The following PRKN variants were observed in gnomAD, a reference collection of about 807,000 sequenced individuals.
PRKN encodes parkin RBR E3 ubiquitin protein ligase, also known as E3 ubiquitin-protein ligase parkin.
A neutral mutation model predicts 59.5 loss-of-function variants in PRKN; 56 were observed. That is an observed-to-expected ratio of 0.94 (90% CI 0.76 to 1.18). The LOEUF is 1.18. Ranked by LOEUF, PRKN falls within the 50% of genes most tolerant of loss-of-function variation. The pLI is 0.00. For synonymous variants in PRKN, 250 were observed against 222.1 expected (o/e 1.13, Z -1.12); for missense variants, 657 against 596.4 (o/e 1.10, Z -1.06).
chr6:161,350,617 T>C (rs1372939320), intron 11 of PRKN, among the ~76,000 whole-genome samples: 1 of 84,436 alleles, frequency 1.2e-5, no homozygotes, highest in African/African-American at 6.8e-5. Context: ...ATTTAAAATA[T>C]ATATATTTTT....
At chr6:162,657,951 G>T (rs1778712456) in intron 1 of PRKN, among the ~76,000 whole-genome samples, 1 of 152,104 alleles carries the variant, frequency 6.6e-6, no homozygotes, top group Non-Finnish European at 1.5e-5. Flanking sequence ...AGATGACATA[G>T]GTATTTTAGA....
intron 6 of PRKN, among the ~76,000 whole-genome samples, chr6:161,866,436 G>A (rs528371054): frequency 1.3e-5 from 2 of 152,036 alleles, no homozygotes; most frequent in African/African-American, 2.4e-5. Flanking sequence ...TTAGCCGGGC[G>A]TGGTGGCGCA....
chr6:162,457,304 A>G (rs1790925657), intron 1 of PRKN, among the ~76,000 whole-genome samples: 1 of 152,190 alleles, frequency 6.6e-6, no homozygotes, highest in African/African-American at 2.4e-5. Flanking sequence ...TCAGACTATT[A>G]AAAATCATCT....
At chr6:162,262,482 A>G (rs749654577) in intron 3 of PRKN, 43 bp downstream of exon 3, 2 of 1,613,290 alleles carry the variant, frequency 1.2e-6, no homozygotes, top group African/African-American at 1.3e-5. Context: ...TGCACTAAAC[A>G]AACAAACAAA....
intron 5 of PRKN, among the ~76,000 whole-genome samples, chr6:162,035,178 TAG>T (rs1289707885): frequency 8.2e-5 from 12 of 145,520 alleles, no homozygotes; most frequent in African/African-American, 2.1e-4. Flanking sequence ...TATATATATA[TAG>T]AGAGAGGCTA....
chr6:161,720,780 A>T lies in PRKN; in HGVS notation c.871+64992T>A, dbSNP rs202197462. Among the ~76,000 whole-genome samples the T allele has an allele frequency of 0.02, 1,889 of 94,234 alleles. 33 individuals carry two copies. In the African/African-American group the frequency reaches 0.21, roughly 10 times the overall value. The allele number at this position is 94,234 out of a possible 152,430, so 61.8% of individuals were successfully genotyped here. A position where few individuals can be genotyped will look rare whatever the true frequency, so the allele number is the denominator to read the frequency against. On this transcript the variant is annotated intron_variant, in intron 7 of 11. Coordinates refer to ENST00000366898, the MANE Select transcript of PRKN (RefSeq NM_004562.3). ...CTTTTAAAACTATTTTTTTTTTTTT[A>T]ACTATTTTTAAGTCCTGTATATTTC...
At chr6:161,902,556 A>ATCTTTTT (rs1382089937) in intron 6 of PRKN, among the ~76,000 whole-genome samples, 6 of 118,200 alleles carry the variant, frequency 5.1e-5, no homozygotes, top group African/African-American at 2.1e-4. Flanking sequence ...CTATTTATTT[A>ATCTTTTT]TTTATTTATT....
chr6:161,966,833 G>C (rs1009913908), intron 6 of PRKN, among the ~76,000 whole-genome samples: 1 of 152,162 alleles, frequency 6.6e-6, no homozygotes, highest in Non-Finnish European at 1.5e-5. Context: ...TATTTTGTTT[G>C]TTTGTTTGTT....
intron 6 of PRKN, among the ~76,000 whole-genome samples, chr6:161,827,002 A>C (rs2128217820): frequency 6.6e-6 from 1 of 152,308 alleles, no homozygotes; most frequent in East Asian, 1.9e-4. Context: ...TGCTCTTCAC[A>C]ATGGGGAGGC....
intron 4 of PRKN, among the ~76,000 whole-genome samples, chr6:162,110,384 C>T (rs147087117): frequency 1.3e-5 from 2 of 152,216 alleles, no homozygotes; most frequent in East Asian, 3.9e-4. Flanking sequence ...GAAGATGAAC[C>T]TGGAACTTCT....
chr6:162,602,292 A>G (rs1434669308), intron 1 of PRKN, among the ~76,000 whole-genome samples: 1 of 152,202 alleles, frequency 6.6e-6, no homozygotes, highest in African/African-American at 2.4e-5. Flanking sequence ...TGGGATGGAC[A>G]AGGCAGAATG....
At chr6:161,542,018 C>T (rs577487437) in intron 9 of PRKN, among the ~76,000 whole-genome samples, 14 of 152,146 alleles carry the variant, frequency 9.2e-5, no homozygotes, top group Admixed American at 4.6e-4. Context: ...TCTGCCACCT[C>T]GGTAACAGCA....
At chr6:161,774,568 C>G (rs1398213039) in intron 7 of PRKN, among the ~76,000 whole-genome samples, 2 of 152,274 alleles carry the variant, frequency 1.3e-5, no homozygotes, top group Admixed American at 6.5e-5. Context: ...CCTCCGCCAG[C>G]TGGCCCCATG....
intron 6 of PRKN, among the ~76,000 whole-genome samples, chr6:161,806,462 G>A (rs1278837780): frequency 2.6e-5 from 4 of 152,128 alleles, no homozygotes; most frequent in African/African-American, 9.7e-5. Context: ...AACTTCCCCA[G>A]TCAGACTTAC....
intron 8 of PRKN, among the ~76,000 whole-genome samples, chr6:161,564,147 G>A (rs1780552021): frequency 6.6e-6 from 1 of 152,118 alleles, no homozygotes; most frequent in Admixed American, 6.6e-5. Context: ...ACCAGCTCCT[G>A]GAGCAGTTGC....
intron 4 of PRKN, among the ~76,000 whole-genome samples, chr6:162,116,455 G>A (rs1009615829): frequency 6.6e-6 from 1 of 152,214 alleles, no homozygotes; most frequent in African/African-American, 2.4e-5. Flanking sequence ...ATGTGTATAA[G>A]AGAAAGAAGA....
In PRKN at chr6:161,503,880, C is replaced by G. The variant is rs1295455857; in HGVS notation, c.1083+44974G>C. Among the ~76,000 whole-genome samples the G allele has an allele frequency of 6.6e-6, 1 of 152,176 alleles. No individual in the cohort carries two copies. The highest frequency in any genetic ancestry group is 1.5e-5 in the Non-Finnish European group (1 of 68,034). On this transcript the variant is annotated intron_variant, in intron 9 of 11. Coordinates refer to ENST00000366898, the MANE Select transcript of PRKN (RefSeq NM_004562.3). The surrounding 1 kb of genome is among the most constrained non-coding windows in gnomAD (Gnocchi z 5.1). ...CTGATAATGATGATTATATCACCAC[C>G]AGAGTCCCCTTCAGCCTTGATCATT...
chr6:161,670,554 G>A (rs1302998325), intron 7 of PRKN, among the ~76,000 whole-genome samples: 1 of 152,132 alleles, frequency 6.6e-6, no homozygotes, highest in Non-Finnish European at 1.5e-5. Context: ...AGTGGCTCAC[G>A]CCTGTAATCC....
At chr6:162,211,218 C>T (rs1424264019) in intron 3 of PRKN, among the ~76,000 whole-genome samples, 1 of 152,138 alleles carries the variant, frequency 6.6e-6, no homozygotes, top group Non-Finnish European at 1.5e-5. Flanking sequence ...TGGACCCAGG[C>T]CAGCAGTCAC....
Sources: gnomAD v4.1 joint callset for allele counts (sites outside exome capture counted in the v4.1 genomes callset) on GRCh38, gnomAD v4.1.1 for gene constraint, Gnocchi (gnomAD v3.1) non-coding constraint, MANE v1.5 for transcripts, NCBI Gene and HGNC (gene_info 2026-07-23, HGNC 2026-07-21) for gene names.